The following CDC42SE2 variants were observed in gnomAD, a reference collection of about 807,000 sequenced individuals.
CDC42SE2 encodes CDC42 small effector protein 2.
In CDC42SE2, 3 loss-of-function variants were observed where a neutral mutation model predicts 11.5. The observed-to-expected ratio is 0.26, with a 90% confidence interval of 0.12 to 0.67. The LOEUF (loss-of-function observed/expected upper bound fraction) is 0.67. Among genes scored for constraint, CDC42SE2 ranks in the 30% least tolerant of loss-of-function variants. The pLI is 0.80. For missense variants in CDC42SE2, 82 were observed against 106.8 expected (o/e 0.77, Z 1.02); for synonymous variants, 33 against 34.8 (o/e 0.95, Z 0.18).
intron 2 of CDC42SE2, among the ~76,000 whole-genome samples, chr5:131,256,197 G>C (rs375607910): frequency 3.9e-5 from 6 of 152,184 alleles, no homozygotes; most frequent in African/African-American, 1.4e-4. Context: ...AACACAGTAA[G>C]TCCCCATTTG....
intron 1 of CDC42SE2, among the ~76,000 whole-genome samples, chr5:131,267,601 G>A (rs1463104752): frequency 6.6e-6 from 1 of 152,072 alleles, no homozygotes; most frequent in Non-Finnish European, 1.5e-5. Flanking sequence ...CCTCAGATGT[G>A]ATTAATAAAG....
chr5:131,371,510 G>A (rs72787051), intron 3 of CDC42SE2, among the ~76,000 whole-genome samples: 6,639 of 152,170 alleles, frequency 0.044, 309 homozygotes, highest in East Asian at 0.15. Flanking sequence ...ATGGGATATT[G>A]TTTGTTTTAT....
rs572384835 is a variant in CDC42SE2 at position 131,359,410 on chromosome 5, A to G, written c.-84A>G. On this transcript the variant is annotated 5_prime_UTR_variant, in exon 3 of 5. Coordinates refer to ENST00000505065, the MANE Select transcript of CDC42SE2 (RefSeq NM_001375635.1). Reference sequence around the variant, plus strand: ...TTTCATCTTGGCATCACTGGACATCATCGTATTGAGGAGCGTATTTTTGGA... The same window carrying G: ...TTTCATCTTGGCATCACTGGACATCGTCGTATTGAGGAGCGTATTTTTGGA... 13 of 950,088 alleles carry G rather than the reference A, an allele frequency of 1.4e-5. No homozygotes were observed. In the South Asian group the frequency reaches 1.5e-4, roughly 11 times the overall value. The allele number at this position is 950,088 out of a possible 1,614,324, so 58.9% of individuals were successfully genotyped here.
At chr5:131,298,364 C>T (rs1757614972) in intron 1 of CDC42SE2, among the ~76,000 whole-genome samples, 3 of 151,902 alleles carry the variant, frequency 2.0e-5, no homozygotes, top group Non-Finnish European at 4.4e-5. Flanking sequence ...TCAGGTGATC[C>T]ACCCGCCTTG....
intron 1 of CDC42SE2, among the ~76,000 whole-genome samples, chr5:131,273,571 C>A (rs1262018893): frequency 6.6e-6 from 1 of 150,760 alleles, no homozygotes; most frequent in African/African-American, 2.4e-5. Flanking sequence ...GAGATCGAGA[C>A]CATCCTGGCT....
At chr5:131,211,647 C>T in the CDC42SE2 span, among the ~76,000 whole-genome samples, 1 of 152,142 alleles carries the variant, frequency 6.6e-6, no homozygotes, top group Non-Finnish European at 1.5e-5. Context: ...TTGCTAGGCA[C>T]CCTGAGGGTA....
chr5:131,278,526 A>G (rs2149699382), intron 1 of CDC42SE2, among the ~76,000 whole-genome samples: 1 of 151,216 alleles, frequency 6.6e-6, no homozygotes, highest in African/African-American at 2.4e-5. Context: ...TCATGTTAGT[A>G]GCTTGAAACT....
chr5:131,262,626 C>T (rs977725986), upstream of CDC42SE2, among the ~76,000 whole-genome samples: 4 of 151,982 alleles, frequency 2.6e-5, no homozygotes, highest in African/African-American at 9.7e-5. Flanking sequence ...TCTAGGACCA[C>T]GACCAGTACC....
intron 1 of CDC42SE2, among the ~76,000 whole-genome samples, chr5:131,293,815 C>T (rs1019208545): frequency 4.6e-5 from 7 of 152,168 alleles, no homozygotes; most frequent in African/African-American, 1.2e-4. Flanking sequence ...AGTTTGTCAA[C>T]AGTCATTTTA....
the CDC42SE2 span, among the ~76,000 whole-genome samples, chr5:131,233,753 T>C: frequency 6.6e-6 from 1 of 152,244 alleles, no homozygotes; most frequent in Non-Finnish European, 1.5e-5. Flanking sequence ...TTAAAGGGCC[T>C]GCATCAAAGG....
At chr5:131,284,646 T>A (rs1218412576) in intron 1 of CDC42SE2, among the ~76,000 whole-genome samples, 1 of 151,914 alleles carries the variant, frequency 6.6e-6, no homozygotes, top group East Asian at 1.9e-4. Flanking sequence ...AATTTAAAAA[T>A]TTTTTTTGGT....
At chr5:131,310,241 A>G (rs1009278637) in intron 1 of CDC42SE2, among the ~76,000 whole-genome samples, 62 of 151,854 alleles carry the variant, frequency 4.1e-4, no homozygotes, top group Non-Finnish European at 7.9e-4. Context: ...TTCAGTTTCC[A>G]TGTAGTTGAG....
chr5:131,287,610 G>C (rs1361729611), intron 1 of CDC42SE2, among the ~76,000 whole-genome samples: 1 of 151,054 alleles, frequency 6.6e-6, no homozygotes, highest in African/African-American at 2.4e-5. Context: ...CTATAGGTGT[G>C]TGCCACCATG....
At chr5:131,342,799 G>A (rs945434087) in intron 2 of CDC42SE2, among the ~76,000 whole-genome samples, 1 of 151,888 alleles carries the variant, frequency 6.6e-6, no homozygotes, top group Admixed American at 6.6e-5. Flanking sequence ...TGCAACCTCC[G>A]CCTACTGGGT....
At chr5:131,345,607 T>G (rs184708707) in intron 2 of CDC42SE2, among the ~76,000 whole-genome samples, 1 of 152,206 alleles carries the variant, frequency 6.6e-6, no homozygotes, top group Admixed American at 6.5e-5. Context: ...TTCCCCAACC[T>G]AGCAAGGCAG....
chr5:131,382,430 TA>T (rs1750352938), intron 3 of CDC42SE2, among the ~76,000 whole-genome samples: 1 of 152,228 alleles, frequency 6.6e-6, no homozygotes, highest in Non-Finnish European at 1.5e-5. Context: ...AATCACTTAA[TA>T]TGGAGGTATA....
At position 131,392,786 on chromosome 5, in the gene CDC42SE2, C is replaced by T. The variant is rs1300931902; in HGVS notation, c.*1695C>T. 6.6e-6 allele frequency: 1 copy of T among 152,288 alleles called. No homozygotes were observed. The highest frequency in any genetic ancestry group is 2.4e-5 in the African/African-American group (1 of 41,406). 9.4% of individuals were successfully genotyped at this position (152,288 alleles called of 1,614,324 possible). A position where few individuals can be genotyped will look rare whatever the true frequency, so the allele number is the denominator to read the frequency against. ...TACTTCTTTTTAATGTTATGGTATCCAGTTGTTTCCAGTAGCAGTTTCTTG... is the reference window on the plus strand; with the variant it reads ...TACTTCTTTTTAATGTTATGGTATCTAGTTGTTTCCAGTAGCAGTTTCTTG... On this transcript the variant is annotated 3_prime_UTR_variant, in exon 5 of 5. Transcript: ENST00000505065.
rs565860863 is a variant in CDC42SE2 at position 131,276,245 on chromosome 5, G to T, written c.-455+12079G>T. On this transcript the variant is annotated intron_variant, in intron 1 of 4. Coordinates refer to ENST00000505065, the MANE Select transcript of CDC42SE2 (RefSeq NM_001375635.1). ...GTGGATTGCTTGAGCTCAGGAGTTCGAGACCAGTCTGGGCAACGAGGCGAA... is the reference window on the plus strand; with the variant it reads ...GTGGATTGCTTGAGCTCAGGAGTTCTAGACCAGTCTGGGCAACGAGGCGAA... Among the ~76,000 whole-genome samples the T allele has an allele frequency of 2.1e-5, 3 of 143,732 alleles. No individual in the cohort carries two copies. In the South Asian group the frequency reaches 6.5e-4, roughly 31 times the overall value. The allele number at this position is 143,732 out of a possible 152,430, so 94.3% of individuals were successfully genotyped here. A position where few individuals can be genotyped will look rare whatever the true frequency, so the allele number is the denominator to read the frequency against.
chr5:131,378,388 G>A (rs987064879), intron 3 of CDC42SE2, among the ~76,000 whole-genome samples: 1 of 151,180 alleles, frequency 6.6e-6, no homozygotes, highest in Non-Finnish European at 1.5e-5. Flanking sequence ...AGCAGCTCAC[G>A]CACCCAGGGA....
Sources: gnomAD v4.1 joint callset for allele counts (sites outside exome capture counted in the v4.1 genomes callset) on GRCh38, gnomAD v4.1.1 for gene constraint, MANE v1.5 for transcripts, NCBI Gene and HGNC (gene_info 2026-07-23, HGNC 2026-07-21) for gene names.